Variants in RGS17 observed in about 807,000 individuals in gnomAD.
RGS17 encodes regulator of G protein signaling 17.
In RGS17, 12 loss-of-function variants were observed where a neutral mutation model predicts 25.5. That is an observed-to-expected ratio of 0.47 (90% CI 0.30 to 0.76). RGS17 has a LOEUF of 0.76. Ranked by LOEUF, RGS17 falls within the 30% of genes least tolerant of loss-of-function variation. RGS17 has a pLI of 0.07. For synonymous variants in RGS17, 71 were observed against 76.9 expected, an observed-to-expected ratio of 0.92 and a Z score of 0.40; for missense variants, 196 against 242.2, an observed-to-expected ratio of 0.81 and a Z score of 1.27.
intron 3 of RGS17, 27 bp from the exon 4 acceptor site, chr6:153,024,523 C>G: frequency 5.2e-6 from 8 of 1,535,132 alleles, no homozygotes; most frequent in Non-Finnish European, 7.2e-6. Context: ...GGGCCGTGAT[C>G]AAAGGGAACT....
At chr6:153,040,738 T>C (rs1181931144) in intron 2 of RGS17, among the ~76,000 whole-genome samples, 2 of 152,026 alleles carry the variant, frequency 1.3e-5, no homozygotes, top group Non-Finnish European at 2.9e-5. Flanking sequence ...TTTTATAAAC[T>C]TGAAGTATAA....
At chr6:153,095,586 G>A (rs547958649) in intron 1 of RGS17, among the ~76,000 whole-genome samples, 15 of 152,082 alleles carry the variant, frequency 9.9e-5, no homozygotes, top group South Asian at 2.1e-4. Context: ...ATTGAATTTC[G>A]AAAACTACTT....
chr6:153,095,659 A>G (rs59329660), intron 1 of RGS17, among the ~76,000 whole-genome samples: 3,953 of 152,282 alleles, frequency 0.026, 172 homozygotes, highest in African/African-American at 0.088. Flanking sequence ...CCAGAATGCT[A>G]TATGTGCAAT....
intron 2 of RGS17, among the ~76,000 whole-genome samples, chr6:153,042,448 C>T (rs1776334365): frequency 1.3e-5 from 2 of 152,156 alleles, no homozygotes; most frequent in Non-Finnish European, 2.9e-5. Flanking sequence ...GGGCAGTTCC[C>T]CTGCACATGC....
At chr6:153,019,889 A>C (rs916734291) in intron 4 of RGS17, among the ~76,000 whole-genome samples, 1 of 151,810 alleles carries the variant, frequency 6.6e-6, no homozygotes, top group Non-Finnish European at 1.5e-5. Flanking sequence ...GCTGCCACCA[A>C]AATCTGCAAT....
At chr6:153,119,271 C>T (rs1295234963) in intron 1 of RGS17, among the ~76,000 whole-genome samples, 1 of 152,160 alleles carries the variant, frequency 6.6e-6, no homozygotes, top group African/African-American at 2.4e-5. Context: ...GTTCATTCAC[C>T]CTCCCAGTCA....
chr6:153,049,616 T>C (rs1247729552), intron 1 of RGS17, among the ~76,000 whole-genome samples: 1 of 152,020 alleles, frequency 6.6e-6, no homozygotes, highest in African/African-American at 2.4e-5. Flanking sequence ...CCAGGTGTGG[T>C]GGCGGGCGAC....
At chr6:153,020,088 T>C (rs1474284389) in intron 4 of RGS17, among the ~76,000 whole-genome samples, 1 of 107,296 alleles carries the variant, frequency 9.3e-6, no homozygotes, top group African/African-American at 4.3e-5. Flanking sequence ...CACCTCCTAA[T>C]TGCAAATATC....
At chr6:153,077,318 G>C (rs1776898028) in intron 1 of RGS17, among the ~76,000 whole-genome samples, 1 of 150,370 alleles carries the variant, frequency 6.7e-6, no homozygotes, top group South Asian at 2.1e-4. Flanking sequence ...GATTGTTCTA[G>C]GTGAGTTTGG....
intron 2 of RGS17, among the ~76,000 whole-genome samples, chr6:153,043,242 C>T (rs1776344266): frequency 6.6e-6 from 1 of 151,186 alleles, no homozygotes; most frequent in Admixed American, 6.6e-5. Context: ...TGTCCCAGAG[C>T]CTGCCAGTGA....
intron 4 of RGS17, among the ~76,000 whole-genome samples, chr6:153,020,299 G>A (rs1779235812): frequency 6.7e-6 from 1 of 150,074 alleles, no homozygotes; most frequent in Non-Finnish European, 1.5e-5. Flanking sequence ...GATTACAGGT[G>A]CCCGCCACCA....
At chr6:153,084,323 C>T (rs1332330338) in intron 1 of RGS17, among the ~76,000 whole-genome samples, 1 of 152,156 alleles carries the variant, frequency 6.6e-6, no homozygotes, top group Non-Finnish European at 1.5e-5. Context: ...TACATAAAAT[C>T]CCTTAACAAA....
At chr6:153,034,914 C>G (rs1292832) in intron 2 of RGS17, among the ~76,000 whole-genome samples, 77,257 of 151,874 alleles carry the variant, frequency 0.51, 20,018 homozygotes, top group East Asian at 0.75. Context: ...ATTTGGGAGG[C>G]TGAGGCAGGC....
intron 1 of RGS17, among the ~76,000 whole-genome samples, chr6:153,055,327 T>C (rs1776538498): frequency 1.3e-5 from 2 of 152,210 alleles, no homozygotes; most frequent in Admixed American, 1.3e-4. Flanking sequence ...ACACATTTTC[T>C]TAATGTTATA....
chr6:153,039,448 C>A (rs768385459), intron 2 of RGS17, among the ~76,000 whole-genome samples: 12 of 152,100 alleles, frequency 7.9e-5, no homozygotes, highest in Non-Finnish European at 1.2e-4. Flanking sequence ...CTCTCCATAG[C>A]CGTCATCTCA....
intron 1 of RGS17, among the ~76,000 whole-genome samples, chr6:153,110,885 G>C (rs1483774719): frequency 6.6e-6 from 1 of 152,200 alleles, no homozygotes; most frequent in Non-Finnish European, 1.5e-5. Flanking sequence ...AATGTGCTGT[G>C]AGGAATGGTG....
At chr6:153,029,320 G>C (rs1047375443) in intron 2 of RGS17, among the ~76,000 whole-genome samples, 1 of 152,154 alleles carries the variant, frequency 6.6e-6, no homozygotes, top group African/African-American at 2.4e-5. Context: ...ATCAAGAACT[G>C]CTGAAAATAC....
intron 1 of RGS17, among the ~76,000 whole-genome samples, chr6:153,050,554 T>C (rs371830406): frequency 7.2e-5 from 11 of 152,318 alleles, no homozygotes; most frequent in African/African-American, 2.6e-4. Context: ...TTTTCCACTG[T>C]TAAAAAGTCA....
chr6:153,022,240 C>T (rs942849412), intron 4 of RGS17, among the ~76,000 whole-genome samples: 5 of 152,062 alleles, frequency 3.3e-5, no homozygotes, highest in Non-Finnish European at 5.9e-5. Flanking sequence ...ACCTCTATTA[C>T]TTTAGCAAAA....
Sources: gnomAD v4.1 joint callset for allele counts (sites outside exome capture counted in the v4.1 genomes callset) on GRCh38, gnomAD v4.1.1 for gene constraint, MANE v1.5 for transcripts, NCBI Gene and HGNC (gene_info 2026-07-23, HGNC 2026-07-21) for gene names.